Variants in ODAD1 observed in about 807,000 individuals in gnomAD.
ODAD1 encodes the protein outer dynein arm-docking complex subunit 1.
Under a neutral mutation model 67.2 loss-of-function variants are expected in ODAD1, and 49 were observed. That is an observed-to-expected ratio of 0.73 (90% CI 0.58 to 0.92). The LOEUF is 0.92. Ranked by LOEUF, ODAD1 falls within the 40% of genes least tolerant of loss-of-function variation. The pLI is 0.00. For missense variants in ODAD1, 897 were observed against 953.7 expected, an observed-to-expected ratio of 0.94 and a Z score of 0.78; for synonymous variants, 345 against 393.7, an observed-to-expected ratio of 0.88 and a Z score of 1.46.
chr19:48,319,491 C>A (rs545277638), intron 3 of ODAD1: 3 of 958,446 alleles, frequency 3.1e-6, no homozygotes, highest in Non-Finnish European at 3.7e-6. Context: ...TTTCAATCAG[C>A]GGGTGATTCT....
At chr19:48,318,044 G>C (rs887435354) in intron 5 of ODAD1, among the ~76,000 whole-genome samples, 1 of 151,732 alleles carries the variant, frequency 6.6e-6, no homozygotes, top group Non-Finnish European at 1.5e-5. Flanking sequence ...ATGCACTCCA[G>C]CCTGGGCGAC....
chr19:48,315,350 G>A (rs1968870147), intron 5 of ODAD1, among the ~76,000 whole-genome samples: 1 of 152,182 alleles, frequency 6.6e-6, no homozygotes, highest in Non-Finnish European at 1.5e-5. Flanking sequence ...TTCGAGACCA[G>A]CCTGGCCAAC....
rs1273489226 is a variant in ODAD1, at chr19:48,321,908, A to G, written c.-294T>C. 2.5e-5 allele frequency: 10 copies of G among 397,592 alleles called. No individual in the cohort carries two copies. The highest frequency in any genetic ancestry group is 4.1e-5 in the African/African-American group (2 of 48,620). 24.6% of individuals were successfully genotyped at this position (397,592 alleles called of 1,614,324 possible). ...GCGGTTCACTACGCAAGCGCGACCA[A>G]CGGCTTCCCGGGAAGCAGCCAAAAA... On this transcript the variant is annotated 5_prime_UTR_variant, in exon 1 of 16. Coordinates refer to ENST00000674294, the MANE Select transcript of ODAD1 (RefSeq NM_001364171.2).
chr19:48,308,090 G>A (rs1055476205), intron 7 of ODAD1, among the ~76,000 whole-genome samples: 9 of 152,008 alleles, frequency 5.9e-5, no homozygotes, highest in South Asian at 2.1e-4. Context: ...TGGCAGTTAC[G>A]GATCATCATC....
At chr19:48,314,616 G>GTGAAACCCC (rs1968850890) in intron 5 of ODAD1, among the ~76,000 whole-genome samples, 1 of 152,140 alleles carries the variant, frequency 6.6e-6, no homozygotes, top group South Asian at 2.1e-4. Context: ...TGTGAGACTG[G>GTGAAACCCC]ATTTTCAGCA....
rs56259864 is a variant in ODAD1 at position 48,315,900 on chromosome 19, C to T, written c.360+2487G>A. 5.9e-5 allele frequency among the ~76,000 whole-genome samples: 9 copies of T among 152,062 alleles called. 1 individual carries two copies. Among genetic ancestry groups the T allele is most frequent in the African/African-American group, 1.7e-4 (7 of 41,458 alleles). On this transcript the variant is annotated intron_variant, in intron 5 of 15. Coordinates refer to ENST00000674294, the MANE Select transcript of ODAD1 (RefSeq NM_001364171.2). Reference sequence around the variant, plus strand: ...TTCCATGTATAGACCACAATTTGCTCGTCCACTCGACCACCGATGGACATT... The same window carrying T: ...TTCCATGTATAGACCACAATTTGCTTGTCCACTCGACCACCGATGGACATT...
At chr19:48,309,491 C>T (rs1346586309) in intron 7 of ODAD1, among the ~76,000 whole-genome samples, 6 of 152,144 alleles carry the variant, frequency 3.9e-5, no homozygotes, top group Admixed American at 2.6e-4. Context: ...CTGGACGAGA[C>T]GACCTGCCTG....
At position 48,303,086 on chromosome 19, in the gene ODAD1, C is replaced by T. The variant is rs751715030; in HGVS notation, c.998G>A (p.Arg333His). The change falls in exon 11 of 16, where the codon CGC becomes CAC. Residue 333 changes from arginine to histidine, a missense_variant. By Grantham distance (29) the Arg-to-His change is conservative. Coordinates refer to ENST00000674294, the MANE Select transcript of ODAD1 (RefSeq NM_001364171.2). ...GATGAAGTTGAACTCAGCAAAGTTG[C>T]GCTCCTCGACTGGGAGAGTTGGGCA... ...LVQKYLEIEE[R>H]NFAEFNFINE... is the part of the protein sequence containing the mutation. 15 of 1,613,624 alleles carry T rather than the reference C, an allele frequency of 9.3e-6. No individual in the cohort carries two copies. Among genetic ancestry groups the T allele is most frequent in the Middle Eastern group, 3.3e-4 (2 of 6,060 alleles).
At chr19:48,305,685 C>T (rs948939602) in intron 8 of ODAD1, among the ~76,000 whole-genome samples, 21 of 151,998 alleles carry the variant, frequency 1.4e-4, no homozygotes, top group South Asian at 6.3e-4. Context: ...GGATTACAGG[C>T]GTGAGCCACC....
chr19:48,305,950 T>C (rs1473738346), intron 8 of ODAD1, among the ~76,000 whole-genome samples: 1 of 151,668 alleles, frequency 6.6e-6, no homozygotes, highest in East Asian at 2.0e-4. Context: ...TCCCAGCTAC[T>C]CGGGAGGCTG....
intron 7 of ODAD1, among the ~76,000 whole-genome samples, chr19:48,308,857 C>T (rs903891725): frequency 6.6e-6 from 1 of 152,136 alleles, no homozygotes; most frequent in African/African-American, 2.4e-5. Context: ...GCAGGATCTG[C>T]CCTCCCGGGT....
intron 10 of ODAD1, 59 bp from the exon 11 acceptor site, chr19:48,303,154 G>A: frequency 1.5e-6 from 2 of 1,298,014 alleles, no homozygotes. Context: ...CAGAGACAGA[G>A]AGAACAGAGA....
intron 8 of ODAD1, among the ~76,000 whole-genome samples, chr19:48,305,402 C>CTT (rs1253680173): frequency 5.6e-5 from 8 of 142,016 alleles, no homozygotes; most frequent in Admixed American, 7.1e-5. Flanking sequence ...GCTAGATGCG[C>CTT]TTTTTTTTTT....
rs1476403679 is a variant in ODAD1 at position 48,296,778 on chromosome 19, G to A, written c.*198C>T. The A allele has an allele frequency of 3.5e-6, 5 of 1,415,838 alleles. No homozygotes were observed. The East Asian group carries it at 1.0e-4, about 29-fold the overall frequency. 87.7% of individuals were successfully genotyped at this position (1,415,838 alleles called of 1,614,324 possible). On this transcript the variant is annotated 3_prime_UTR_variant, in exon 16 of 16. Coordinates refer to ENST00000674294, the MANE Select transcript of ODAD1 (RefSeq NM_001364171.2). ...GGAGTCAGAGGGAAAAGCAGTGTCA[G>A]GAGCAGAGAGAAAGGAACCGGGAGA...
chr19:48,299,506 A>C (rs1254478252), intron 12 of ODAD1, among the ~76,000 whole-genome samples: 1 of 152,128 alleles, frequency 6.6e-6, no homozygotes, highest in African/African-American at 2.4e-5. Flanking sequence ...TACTTCCTGA[A>C]AAATAAGAAA....
Position 48,311,512 on chromosome 19 carries a change from A to G in ODAD1, c.597+41T>C, listed in dbSNP as rs750798740. 5.9e-6 allele frequency: 7 copies of G among 1,177,180 alleles called. No individual in the cohort carries two copies. The South Asian group carries it at 9.1e-5, about 15-fold the overall frequency. The allele number at this position is 1,177,180 out of a possible 1,614,324, so 72.9% of individuals were successfully genotyped here. ...AAACAGCTGTGGGGAGGACCTGCGCAGGGGTCCCTGTCTCCTCCCCTGGAT... is the reference window on the plus strand; with the variant it reads ...AAACAGCTGTGGGGAGGACCTGCGCGGGGGTCCCTGTCTCCTCCCCTGGAT... On this transcript the variant is annotated intron_variant, in intron 7 of 15. Transcript: ENST00000674294.
At position 48,297,608 on chromosome 19, in the gene ODAD1, C is replaced by T. The variant is rs1600855259; in HGVS notation, c.1563G>A (p.Leu521=). The T allele has an allele frequency of 6.5e-7, 1 of 1,542,730 alleles. No individual in the cohort carries two copies. The highest frequency in any genetic ancestry group is 1.4e-5 in the African/African-American group (1 of 72,228). ...CTCTCACCAGCTTCTCCACTTGGCT[C>T]AGCAGCTCCTCCCTGCTCATGGGGT... is the stretch of plus-strand genomic sequence containing the variant. ...DDYPMSREEL[L]SQVEKLVELQ... The change falls in exon 15 of 16, where the codon CTG becomes CTA. Residue 521 remains leucine, a synonymous_variant. Coordinates refer to ENST00000674294, the MANE Select transcript of ODAD1 (RefSeq NM_001364171.2).
rs914478885 is a variant in ODAD1 at position 48,311,463 on chromosome 19, C to T, written c.597+90G>A. 17 of 741,846 alleles carry T rather than the reference C, an allele frequency of 2.3e-5. No homozygotes were observed. In the South Asian group the frequency reaches 2.3e-4, roughly 10 times the overall value. The allele number at this position is 741,846 out of a possible 1,614,324, so 46.0% of individuals were successfully genotyped here. Reference sequence around the variant, plus strand: ...GCTCTAGTCAATCCCATACTTGAGGCCTGAGTGCTAGAGCAGGAAGGGCAA... The same window carrying T: ...GCTCTAGTCAATCCCATACTTGAGGTCTGAGTGCTAGAGCAGGAAGGGCAA... On this transcript the variant is annotated intron_variant, in intron 7 of 15. Transcript: ENST00000674294.
At chr19:48,309,046 A>C (rs1415801129) in intron 7 of ODAD1, among the ~76,000 whole-genome samples, 2 of 152,202 alleles carry the variant, frequency 1.3e-5, no homozygotes, top group African/African-American at 4.8e-5. Context: ...AGTTCTCTGC[A>C]GCCTGTACCC....
Sources: allele counts gnomAD v4.1 joint callset (sites outside exome capture counted in the v4.1 genomes callset), GRCh38; gene constraint gnomAD v4.1.1; transcripts MANE v1.5; gene names NCBI Gene and HGNC (gene_info 2026-07-23, HGNC 2026-07-21).